The following ACTR3B variants were observed in gnomAD, a reference collection of about 807,000 sequenced individuals.
The protein encoded by ACTR3B is actin-related protein 3B.
A neutral mutation model predicts 59.0 loss-of-function variants in ACTR3B; 8 were observed. That is an observed-to-expected ratio of 0.14 (90% CI 0.08 to 0.24). The LOEUF (loss-of-function observed/expected upper bound fraction) is 0.24. ACTR3B is among the 10% of genes least tolerant of loss of function. ACTR3B has a pLI of 1.00. For synonymous variants in ACTR3B, 148 were observed against 197.9 expected (o/e 0.75, Z 2.12); for missense variants, 245 against 552.3 (o/e 0.44, Z 5.58).
intron 1 of ACTR3B, among the ~76,000 whole-genome samples, chr7:152,770,357 T>A (rs56788423): frequency 0.39 from 57,852 of 147,514 alleles, 9,586 homozygotes; most frequent in Non-Finnish European, 0.45. Context: ...CTCACAGTCG[T>A]TACAGCAGAG....
chr7:152,828,722 C>T (rs1225800005), intron 9 of ACTR3B, among the ~76,000 whole-genome samples: 1 of 152,160 alleles, frequency 6.6e-6, no homozygotes, highest in African/African-American at 2.4e-5. Flanking sequence ...CTGGGCCACT[C>T]TTGCCGGGTA....
At chr7:152,853,078 A>G (rs901863583) in intron 10 of ACTR3B, among the ~76,000 whole-genome samples, 2 of 152,036 alleles carry the variant, frequency 1.3e-5, no homozygotes, top group Non-Finnish European at 2.9e-5. Flanking sequence ...GGTGCGAGCT[A>G]CCACGCCCGG....
intron 9 of ACTR3B, among the ~76,000 whole-genome samples, chr7:152,846,472 T>C (rs898109093): frequency 7.0e-6 from 1 of 141,926 alleles, no homozygotes. Context: ...GGCTGTAGTC[T>C]GTAGTGAGCC....
At position 152,803,555 on chromosome 7, in the gene ACTR3B, T is replaced by C. The variant is rs200964084; in HGVS notation, c.336+1824T>C. Among the ~76,000 whole-genome samples the C allele has an allele frequency of 1.8e-4, 27 of 152,336 alleles. No homozygotes were observed. In the East Asian group the frequency reaches 4.8e-3, roughly 27 times the overall value. ...TCCTTCTGTCTACTTCAGCTTCCCA[T>C]GCCAGGAGTTCTTGCTTTACTTAGA... On this transcript the variant is annotated intron_variant, in intron 4 of 11. Coordinates refer to ENST00000256001, the MANE Select transcript of ACTR3B (RefSeq NM_020445.6).
intron 1 of ACTR3B, among the ~76,000 whole-genome samples, chr7:152,762,660 A>G (rs2098093545): frequency 6.6e-6 from 1 of 152,226 alleles, no homozygotes; most frequent in Non-Finnish European, 1.5e-5. Context: ...GTATGGATTC[A>G]TGTCTTTTAT....
chr7:152,853,390 G>C (rs1472942236), intron 10 of ACTR3B, 104 bp from the exon 11 acceptor site: 1 of 961,256 alleles, frequency 1.0e-6, no homozygotes, highest in Admixed American at 2.0e-5. Context: ...CGTGCCATAA[G>C]AGGAGGGCGG....
At chr7:152,811,848 T>A (rs1004088149) in intron 4 of ACTR3B, 4 of 149,324 alleles carry the variant, frequency 2.7e-5, no homozygotes, top group Non-Finnish European at 5.9e-5. Context: ...TGTTTACTAA[T>A]GCCTCTGATA....
At chr7:152,781,767 C>A (rs2689483) in intron 1 of ACTR3B, among the ~76,000 whole-genome samples, 3,155 of 152,220 alleles carry the variant, frequency 0.021, 101 homozygotes, top group African/African-American at 0.071. Context: ...ATTGCCTCCA[C>A]CCTGGGTTGG....
chr7:152,796,969 C>G (rs1168090903), intron 2 of ACTR3B, among the ~76,000 whole-genome samples: 3 of 147,376 alleles, frequency 2.0e-5, no homozygotes, highest in Non-Finnish European at 4.5e-5. Flanking sequence ...TTGCCTGTCT[C>G]GACCACCCAA....
At chr7:152,768,664 C>T (rs538388271) in intron 1 of ACTR3B, among the ~76,000 whole-genome samples, 75 of 152,088 alleles carry the variant, frequency 4.9e-4, no homozygotes, top group African/African-American at 1.7e-3. Context: ...TTAGTAGAGA[C>T]GGGGTTCCAC....
In ACTR3B at chr7:152,829,537, C is replaced by T. The variant is rs1177358139; in HGVS notation, c.951+4415C>T. On this transcript the variant is annotated intron_variant, in intron 9 of 11. Transcript: ENST00000256001. ...ATTTACACATCTGCTTTATGTGTTC[C>T]GCCTCCAGAAATGACAGGGGTGGGG... is the stretch of plus-strand genomic sequence containing the variant. 7.9e-5 allele frequency among the ~76,000 whole-genome samples: 12 copies of T among 152,234 alleles called. 1 individual carries two copies. The Middle Eastern group carries it at 0.014, about 173-fold the overall frequency.
At chr7:152,834,229 C>T (rs1797260171) in intron 9 of ACTR3B, among the ~76,000 whole-genome samples, 1 of 151,288 alleles carries the variant, frequency 6.6e-6, no homozygotes, top group Admixed American at 6.6e-5. Flanking sequence ...TCTCCAGTGA[C>T]TGCAGCCTCT....
At chr7:152,785,035 G>A (rs927822361) in intron 2 of ACTR3B, among the ~76,000 whole-genome samples, 41 of 152,170 alleles carry the variant, frequency 2.7e-4, no homozygotes, top group African/African-American at 9.6e-4. Context: ...TCCATGCTGA[G>A]TTGATAAATT....
intron 2 of ACTR3B, among the ~76,000 whole-genome samples, chr7:152,799,540 G>A (rs2098227897): frequency 6.7e-6 from 1 of 150,220 alleles, no homozygotes; most frequent in Non-Finnish European, 1.5e-5. Context: ...TGACTTCAGA[G>A]CCTCCCACTG....
chr7:152,808,922 C>T (rs896003962), intron 4 of ACTR3B, among the ~76,000 whole-genome samples: 2 of 152,140 alleles, frequency 1.3e-5, no homozygotes, highest in Non-Finnish European at 2.9e-5. Context: ...CTTTTCAGAT[C>T]GACAGGAGGT....
rs1272210459 is a variant in ACTR3B, at chr7:152,851,879, C to T, written c.952-247C>T. Among the ~76,000 whole-genome samples, 8 of 151,982 alleles carry T rather than the reference C, an allele frequency of 5.3e-5. No homozygotes were observed. In the South Asian group the frequency reaches 1.5e-3, roughly 28 times the overall value. On this transcript the variant is annotated intron_variant, in intron 9 of 11. Transcript: ENST00000256001. ...CAGGGGGAGCATGAGGGAGCAGGATCGCCTTGTTTTTGCTTTGCTGTAATT... is the reference window on the plus strand; with the variant it reads ...CAGGGGGAGCATGAGGGAGCAGGATTGCCTTGTTTTTGCTTTGCTGTAATT...
chr7:152,853,749 C>G (rs1209972421), intron 11 of ACTR3B, among the ~76,000 whole-genome samples, 172 bp downstream of exon 11: 2 of 152,238 alleles, frequency 1.3e-5, no homozygotes, highest in Non-Finnish European at 2.9e-5. Context: ...TGGAGTCTCA[C>G]TCTGTCGCCC....
chr7:152,805,548 T>C (rs1264207632), intron 4 of ACTR3B, among the ~76,000 whole-genome samples: 1 of 152,204 alleles, frequency 6.6e-6, no homozygotes, highest in African/African-American at 2.4e-5. Flanking sequence ...GTAAAGTTAG[T>C]GCTCTGTGAA....
At chr7:152,829,765 C>T (rs1329059354) in intron 9 of ACTR3B, among the ~76,000 whole-genome samples, 3 of 152,136 alleles carry the variant, frequency 2.0e-5, no homozygotes, top group Non-Finnish European at 2.9e-5. Context: ...ACTTGAGGAC[C>T]GCCATCAGCG....
Sources: allele counts gnomAD v4.1 joint callset (sites outside exome capture counted in the v4.1 genomes callset), GRCh38; gene constraint gnomAD v4.1.1; transcripts MANE v1.5; gene names NCBI Gene and HGNC (gene_info 2026-07-23, HGNC 2026-07-21).